SH3D19: variants seen among roughly 807,000 people sequenced by gnomAD.
SH3D19 encodes SH3 domain containing 19, also known as SH3 domain-containing protein 19.
In SH3D19, 58 loss-of-function variants were observed where a neutral mutation model predicts 112.1. The ratio of observed to expected loss-of-function variants is 0.52; its 90% CI spans 0.42 to 0.64. The LOEUF is 0.64. SH3D19 is among the 30% of genes least tolerant of loss of function. SH3D19 has a pLI of 0.00. For missense variants in SH3D19, 1,090 were observed against 1,263.4 expected, an observed-to-expected ratio of 0.86 and a Z score of 2.08; for synonymous variants, 391 against 448.5, an observed-to-expected ratio of 0.87 and a Z score of 1.62.
intron 3 of SH3D19, 89 bp from the exon 4 acceptor site, chr4:151,179,486 C>T (rs1760476541): frequency 1.6e-6 from 1 of 633,988 alleles, no homozygotes; most frequent in Non-Finnish European, 2.3e-6. Context: ...TTGGAAAAAG[C>T]TTATACTTGA....
At chr4:151,235,072 G>T (rs1769932936) in intron 1 of SH3D19, among the ~76,000 whole-genome samples, 1 of 152,070 alleles carries the variant, frequency 6.6e-6, no homozygotes, top group African/African-American at 2.4e-5. Context: ...TTTAGGTTCA[G>T]GGGTGCATGC....
At chr4:151,227,829 GT>G in intron 1 of SH3D19, 1 of 985,388 alleles carries the variant, frequency 1.0e-6, no homozygotes, top group Non-Finnish European at 1.2e-6. Flanking sequence ...TAGTTACATA[GT>G]TTACTTAGGC....
intron 2 of SH3D19, among the ~76,000 whole-genome samples, chr4:151,214,927 A>G (rs1235872758): frequency 5.0e-5 from 7 of 140,818 alleles, no homozygotes; most frequent in South Asian, 2.4e-4. Flanking sequence ...GGCGGTTGCC[A>G]GGCGGAGGGT....
intron 1 of SH3D19, among the ~76,000 whole-genome samples, chr4:151,254,441 T>C (rs895660666): frequency 6.7e-6 from 1 of 149,738 alleles, no homozygotes; most frequent in South Asian, 2.1e-4. Flanking sequence ...CAAAGGTCTC[T>C]GGTTTTCCTA....
At chr4:151,152,550 C>T (rs1331008084) in intron 9 of SH3D19, among the ~76,000 whole-genome samples, 3 of 138,444 alleles carry the variant, frequency 2.2e-5, no homozygotes, top group Non-Finnish European at 4.5e-5. Context: ...GATGGAGTCT[C>T]ACTCTGTTGC....
chr4:151,145,661 G>A (rs998714638), intron 11 of SH3D19, among the ~76,000 whole-genome samples: 3 of 152,172 alleles, frequency 2.0e-5, no homozygotes, highest in African/African-American at 4.8e-5. Flanking sequence ...TCACACAGAC[G>A]TGCGTGACAA....
chr4:151,248,123 T>TTTG (rs1561398943), intron 1 of SH3D19, among the ~76,000 whole-genome samples: 53 of 134,090 alleles, frequency 4.0e-4, no homozygotes, highest in African/African-American at 1.2e-3. Flanking sequence ...ACTTTTTTTT[T>TTTG]TTTGTTTGTT....
intron 3 of SH3D19, among the ~76,000 whole-genome samples, chr4:151,187,106 T>G (rs1761921463): frequency 6.6e-6 from 1 of 151,968 alleles, no homozygotes; most frequent in African/African-American, 2.4e-5. Flanking sequence ...TACATAAAAT[T>G]TATATTAGAT....
intron 1 of SH3D19, among the ~76,000 whole-genome samples, chr4:151,253,782 C>CAAA (rs1771595689): frequency 6.6e-6 from 1 of 151,158 alleles, no homozygotes; most frequent in African/African-American, 2.4e-5. Context: ...ACAACAACAA[C>CAAA]AAAAAAGCAC....
At position 151,120,821 on chromosome 4, in the gene SH3D19, C is replaced by G. The variant is rs1747882360; in HGVS notation, c.*1270G>C. ...CAGCATATGAAACTCTTCTCAAAAA[C>G]AGAAGAAAGTCATGACCATTGTTGG... On this transcript the variant is annotated 3_prime_UTR_variant, in exon 20 of 20. Coordinates refer to ENST00000604030, the MANE Select transcript of SH3D19 (RefSeq NM_001378122.1). The G allele has an allele frequency of 6.6e-6, 1 of 152,488 alleles. No individual in the cohort carries two copies. The highest frequency in any genetic ancestry group is 2.4e-5 in the African/African-American group (1 of 41,402). 9.4% of individuals were successfully genotyped at this position (152,488 alleles called of 1,614,324 possible).
At chr4:151,147,869 T>C in intron 11 of SH3D19, 53 bp downstream of exon 11, 2 of 1,531,754 alleles carry the variant, frequency 1.3e-6, no homozygotes, top group Non-Finnish European at 1.8e-6. Context: ...GAATCGTATA[T>C]ATACTTTAGG....
chr4:151,227,754 T>C (rs1769232860), intron 1 of SH3D19: 1 of 985,286 alleles, frequency 1.0e-6, no homozygotes, highest in Admixed American at 6.2e-5. Flanking sequence ...AAGCAACAAC[T>C]CTTACCTGTG....
At chr4:151,233,103 C>T (rs1185916581) in intron 1 of SH3D19, among the ~76,000 whole-genome samples, 1 of 151,868 alleles carries the variant, frequency 6.6e-6, no homozygotes, top group Non-Finnish European at 1.5e-5. Context: ...GGGATCTAGG[C>T]TTTGTGTTCC....
intron 1 of SH3D19, among the ~76,000 whole-genome samples, chr4:151,290,940 C>T (rs1458735642): frequency 1.3e-5 from 2 of 152,138 alleles, no homozygotes; most frequent in Non-Finnish European, 2.9e-5. Context: ...AATTTCAATT[C>T]TATGATTCTA....
intron 2 of SH3D19, among the ~76,000 whole-genome samples, chr4:151,198,296 C>T (rs1208101156): frequency 1.6e-5 from 2 of 127,554 alleles, no homozygotes; most frequent in Non-Finnish European, 3.3e-5. Flanking sequence ...CACAGCGAGA[C>T]TCTGTCTCAA....
chr4:151,218,413 GT>G (rs912244716), intron 2 of SH3D19, among the ~76,000 whole-genome samples: 36 of 150,268 alleles, frequency 2.4e-4, no homozygotes, highest in African/African-American at 8.4e-4. Context: ...ACTATGCAGA[GT>G]TTTTTTTTTT....
At chr4:151,132,851 AC>A (rs763861254) in intron 16 of SH3D19, among the ~76,000 whole-genome samples, 182 bp downstream of exon 16, 9 of 152,162 alleles carry the variant, frequency 5.9e-5, no homozygotes, top group Non-Finnish European at 1.0e-4. Context: ...AAATACCAAA[AC>A]CAGCTCTTTG....
At chr4:151,277,283 T>A in intron 1 of SH3D19, 1 of 1,356,698 alleles carries the variant, frequency 7.4e-7, no homozygotes, top group Non-Finnish European at 9.9e-7. Context: ...AAAGAGGGCA[T>A]CACATAGAAC....
At chr4:151,292,272 C>T (rs968075599) in intron 1 of SH3D19, among the ~76,000 whole-genome samples, 7 of 150,884 alleles carry the variant, frequency 4.6e-5, no homozygotes, top group African/African-American at 1.7e-4. Context: ...GCACTCCAGA[C>T]TGGGCAACAG....
Sources: gnomAD v4.1 joint callset for allele counts (sites outside exome capture counted in the v4.1 genomes callset) on GRCh38, gnomAD v4.1.1 for gene constraint, MANE v1.5 for transcripts, NCBI Gene and HGNC (gene_info 2026-07-23, HGNC 2026-07-21) for gene names.